The following MID1 variants were observed in gnomAD, a reference collection of about 807,000 sequenced individuals.
MID1 encodes the protein E3 ubiquitin-protein ligase Midline-1.
In MID1, 7 loss-of-function variants were observed where a neutral mutation model predicts 40.4. That is an observed-to-expected ratio of 0.17 (90% CI 0.10 to 0.33). The LOEUF is 0.33. MID1 is among the 10% of genes least tolerant of loss of function. MID1 has a pLI of 1.00. For synonymous variants in MID1, 229 were observed against 221.2 expected (o/e 1.04, Z -0.31); for missense variants, 367 against 558.5 (o/e 0.66, Z 3.46).
intron 6 of MID1, 126 bp downstream of exon 6, chrX:10,474,497 G>T: frequency 1.5e-6 from 1 of 682,034 alleles, no homozygotes; most frequent in Non-Finnish European, 2.3e-6. Flanking sequence ...ATTGTTTATG[G>T]AAATATCAGT....
intron 1 of MID1, among the ~76,000 whole-genome samples, chrX:10,781,027 T>G (rs1048690300): frequency 8.9e-6 from 1 of 111,908 alleles, no homozygotes; most frequent in Non-Finnish European, 1.9e-5. Flanking sequence ...TAACAGGCCA[T>G]GGACCAGTAC....
intron 5 of MID1, among the ~76,000 whole-genome samples, chrX:10,479,045 G>C (rs769656681): frequency 8.9e-6 from 1 of 112,155 alleles, no homozygotes; most frequent in Admixed American, 9.4e-5. Flanking sequence ...AGGCGGGCTA[G>C]ACTGACATGT....
chrX:10,679,645 C>T (rs185593961), intron 1 of MID1, among the ~76,000 whole-genome samples: 13 of 111,768 alleles, frequency 1.2e-4, no homozygotes, highest in Admixed American at 1.9e-4. Context: ...TGGCCCTTTC[C>T]ACAAAAAGTT....
At chrX:10,728,916 G>C (rs750785680) in intron 1 of MID1, among the ~76,000 whole-genome samples, 3 of 111,852 alleles carry the variant, frequency 2.7e-5, no homozygotes, top group Non-Finnish European at 5.6e-5. Flanking sequence ...GCAATGAATA[G>C]GCAGCGTGTT....
intron 2 of MID1, among the ~76,000 whole-genome samples, chrX:10,566,110 T>C (rs1934525241): frequency 9.0e-6 from 1 of 111,472 alleles, no homozygotes; most frequent in East Asian, 2.8e-4. Flanking sequence ...ACGCCCTGCC[T>C]AGAAAGTGAT....
intron 7 of MID1, among the ~76,000 whole-genome samples, chrX:10,461,131 CTAAAGAT>C: frequency 1.1e-5 from 1 of 93,091 alleles, no homozygotes; most frequent in East Asian, 3.3e-4. Flanking sequence ...CTAAAGATAT[CTAAAGAT>C]ACACACACAC....
chrX:10,446,736 T>A lies in MID1; in HGVS notation c.*2632A>T, dbSNP rs191658858. 1.4e-4 allele frequency: 16 copies of A among 112,293 alleles called. No homozygotes were observed. The highest frequency in any genetic ancestry group is 5.2e-4 in the African/African-American group (16 of 30,924). 9.3% of individuals were successfully genotyped at this position (112,293 alleles called of 1,213,427 possible). On this transcript the variant is annotated 3_prime_UTR_variant, in exon 10 of 10. Coordinates refer to ENST00000317552, the MANE Select transcript of MID1 (RefSeq NM_000381.4). ...AAAAATTGTTAAGAATTTCAAGACA[T>A]CAACAGCAGAGCATTAAATCAGGCT...
intron 1 of MID1, among the ~76,000 whole-genome samples, chrX:10,718,530 G>C (rs929915284): frequency 9.0e-6 from 1 of 111,536 alleles, no homozygotes; most frequent in African/African-American, 3.3e-5. Flanking sequence ...ACCAATAACA[G>C]GATCTGAAAT....
chrX:10,814,921 C>T (rs1181645426), intron 1 of MID1, among the ~76,000 whole-genome samples: 5 of 110,800 alleles, frequency 4.5e-5, no homozygotes, highest in Non-Finnish European at 7.6e-5. Flanking sequence ...GTAAAGATTA[C>T]CATTGTTGGT....
intron 1 of MID1, among the ~76,000 whole-genome samples, chrX:10,632,588 A>T (rs754871955): frequency 5.4e-5 from 6 of 110,741 alleles, no homozygotes; most frequent in African/African-American, 2.0e-4. Context: ...GCTTGTTAAA[A>T]CACAGGTTAC....
intron 1 of MID1, among the ~76,000 whole-genome samples, chrX:10,605,995 G>A (rs1024815940): frequency 9.0e-6 from 1 of 111,519 alleles, no homozygotes; most frequent in Non-Finnish European, 1.9e-5. Context: ...ACAACTCAAT[G>A]GCGTATTTTA....
chrX:10,631,323 A>G (rs1936050137), intron 1 of MID1, among the ~76,000 whole-genome samples: 1 of 111,735 alleles, frequency 8.9e-6, no homozygotes, highest in Non-Finnish European at 1.9e-5. Flanking sequence ...GAAGCCAGAC[A>G]CTGTTGTGAG....
chrX:10,530,028 T>C (rs1932919395), intron 2 of MID1, among the ~76,000 whole-genome samples: 1 of 111,976 alleles, frequency 8.9e-6, no homozygotes, highest in Non-Finnish European at 1.9e-5. Flanking sequence ...ATTGGTACCG[T>C]TGAGTCTGAC....
intron 2 of MID1, among the ~76,000 whole-genome samples, chrX:10,565,676 T>A (rs890999425): frequency 1.8e-5 from 2 of 111,839 alleles, no homozygotes; most frequent in African/African-American, 6.5e-5. Flanking sequence ...CTGATGAACA[T>A]AGTATCTCAC....
chrX:10,703,759 G>A (rs758826888), intron 1 of MID1, among the ~76,000 whole-genome samples: 1 of 112,402 alleles, frequency 8.9e-6, no homozygotes, highest in African/African-American at 3.2e-5. Flanking sequence ...AGGCAATAGA[G>A]AATTCATAAA....
At chrX:10,787,704 C>G (rs2043897863) in intron 1 of MID1, among the ~76,000 whole-genome samples, 1 of 103,969 alleles carries the variant, frequency 9.6e-6, no homozygotes, top group Non-Finnish European at 2.0e-5. Flanking sequence ...AGCCACTGCA[C>G]CCGGCCCAAA....
At chrX:10,770,673 G>A (rs2043759792) in intron 1 of MID1, among the ~76,000 whole-genome samples, 1 of 112,293 alleles carries the variant, frequency 8.9e-6, no homozygotes, top group Admixed American at 9.4e-5. Flanking sequence ...TCAATCATGT[G>A]CCTCATATTC....
chrX:10,723,977 C>T (rs953857840), intron 1 of MID1, among the ~76,000 whole-genome samples: 1 of 112,596 alleles, frequency 8.9e-6, no homozygotes, highest in Non-Finnish European at 1.9e-5. Context: ...ATGCTAATTG[C>T]ACTTCTAGTC....
chrX:10,511,042 C>T (rs1291991640), intron 3 of MID1, among the ~76,000 whole-genome samples: 2 of 108,460 alleles, frequency 1.8e-5, no homozygotes, highest in Admixed American at 9.9e-5. Flanking sequence ...GTCAGGAGTT[C>T]GTGACCAGGC....
Sources: gnomAD v4.1 joint callset for allele counts (sites outside exome capture counted in the v4.1 genomes callset) on GRCh38, gnomAD v4.1.1 for gene constraint, MANE v1.5 for transcripts, NCBI Gene and HGNC (gene_info 2026-07-23, HGNC 2026-07-21) for gene names.